The following ATL2 variants were observed in gnomAD, a reference collection of about 807,000 sequenced individuals.
ATL2 encodes atlastin-2.
A neutral mutation model predicts 73.9 loss-of-function variants in ATL2; 31 were observed. The ratio of observed to expected loss-of-function variants is 0.42; its 90% CI spans 0.32 to 0.57. The LOEUF (loss-of-function observed/expected upper bound fraction) is 0.57, where lower values mean the gene tolerates loss of function less well. ATL2 is among the 20% of genes least tolerant of loss of function. ATL2 has a pLI of 0.14. For missense variants in ATL2, 738 were observed against 702.6 expected (o/e 1.05, Z -0.57); for synonymous variants, 291 against 237.5 (o/e 1.23, Z -2.07).
intron 2 of ATL2, among the ~76,000 whole-genome samples, chr2:38,332,702 C>T (rs1385956792): frequency 2.6e-5 from 4 of 152,162 alleles, no homozygotes; most frequent in Non-Finnish European, 5.9e-5. Flanking sequence ...TCACACAAAA[C>T]CCACTTGTAT....
chr2:38,367,371 A>G (rs1398405905), intron 1 of ATL2, among the ~76,000 whole-genome samples: 1 of 151,584 alleles, frequency 6.6e-6, no homozygotes, highest in Non-Finnish European at 1.5e-5. Flanking sequence ...TGGGAGGCCA[A>G]GGCGGGCAGA....
At chr2:38,373,401 A>G (rs955022243) in intron 1 of ATL2, among the ~76,000 whole-genome samples, 3 of 152,222 alleles carry the variant, frequency 2.0e-5, no homozygotes, top group African/African-American at 7.2e-5. Context: ...TATGAACAGG[A>G]GTTGTATGAA....
intron 1 of ATL2, among the ~76,000 whole-genome samples, chr2:38,347,208 G>A (rs569138754): frequency 3.3e-5 from 5 of 152,272 alleles, no homozygotes; most frequent in South Asian, 2.1e-4. Context: ...AGTCGTATGC[G>A]ATCTGGGCCC....
rs780504335 is a variant in ATL2 at position 38,310,377 on chromosome 2, C to A, written c.875G>T (p.Gly292Val). Residue 292 changes from glycine to valine, a missense_variant, in exon 8 of 13, where the codon GGT (glycine) becomes GTT (valine). Gly to Val is a moderately radical substitution (Grantham distance 109). Coordinates refer to ENST00000378954, the MANE Select transcript of ATL2 (RefSeq NM_001135673.4). Reference sequence around the variant, plus strand: ...ACCAGGATGTGGCAAAAGGAAGCAACCAAGATTTGAGAAACAATTGTGTAT... The same window carrying A: ...ACCAGGATGTGGCAAAAGGAAGCAAACAAGATTTGAGAAACAATTGTGTAT... ...KHIHNCFSNLGCFLLPHPGLK... is the reference protein window; with the variant it reads ...KHIHNCFSNLVCFLLPHPGLK... 6 of 1,609,312 alleles carry A rather than the reference C, an allele frequency of 3.7e-6. No individual in the cohort carries two copies. The African/African-American group carries it at 6.7e-5, about 18-fold the overall frequency.
At chr2:38,372,382 A>G (rs1671740964) in intron 1 of ATL2, among the ~76,000 whole-genome samples, 1 of 152,184 alleles carries the variant, frequency 6.6e-6, no homozygotes, top group Admixed American at 6.5e-5. Flanking sequence ...ATTATAGTGT[A>G]GAGATTCAAG....
chr2:38,352,772 G>A (rs549612588), intron 1 of ATL2, among the ~76,000 whole-genome samples: 11 of 152,238 alleles, frequency 7.2e-5, no homozygotes, highest in African/African-American at 2.6e-4. Flanking sequence ...TAGAATTAAG[G>A]GTCAAGTTCT....
intron 2 of ATL2, among the ~76,000 whole-genome samples, chr2:38,332,068 C>A (rs1669028203): frequency 6.6e-6 from 1 of 152,010 alleles, no homozygotes; most frequent in African/African-American, 2.4e-5. Flanking sequence ...TCACAAAAGA[C>A]CACATTTTTT....
At chr2:38,300,190 G>C (rs537048917) in intron 10 of ATL2, 82 bp downstream of exon 10, 1 of 1,249,772 alleles carries the variant, frequency 8.0e-7, no homozygotes, top group East Asian at 2.4e-5. Context: ...CCCATTTTCA[G>C]CATTTCTCTC....
intron 1 of ATL2, among the ~76,000 whole-genome samples, chr2:38,365,840 G>C (rs541377134): frequency 2.6e-5 from 4 of 151,888 alleles, no homozygotes; most frequent in Admixed American, 1.3e-4. Flanking sequence ...CCAGTTACTC[G>C]GGAGGCTGAG....
At chr2:38,299,538 T>C (rs2148401882) in intron 10 of ATL2, among the ~76,000 whole-genome samples, 1 of 152,204 alleles carries the variant, frequency 6.6e-6, no homozygotes, top group East Asian at 1.9e-4. Flanking sequence ...TTTGTTTTGC[T>C]TAGGTTGATG....
intron 7 of ATL2, among the ~76,000 whole-genome samples, chr2:38,311,862 T>C (rs1475762987): frequency 2.6e-5 from 4 of 152,252 alleles, no homozygotes; most frequent in Non-Finnish European, 5.9e-5. Flanking sequence ...ATTCTGAGTT[T>C]AGTTAGTATG....
intron 9 of ATL2, 60 bp downstream of exon 9, chr2:38,309,319 G>T: frequency 3.4e-6 from 5 of 1,484,710 alleles, no homozygotes; most frequent in Non-Finnish European, 3.6e-6. Context: ...TATACATACA[G>T]ATGAGTTTTA....
chr2:38,350,073 G>T (rs1670252985), intron 1 of ATL2, among the ~76,000 whole-genome samples: 1 of 152,166 alleles, frequency 6.6e-6, no homozygotes, highest in South Asian at 2.1e-4. Context: ...TACTGTACTA[G>T]CATTTAGTGA....
rs185230123 is a variant in ATL2, at chr2:38,368,430, T to C, written c.118+8713A>G. On this transcript the variant is annotated intron_variant, in intron 1 of 12. Transcript: ENST00000378954. ...ACCACGCCCGGCTAATTTTGTATTTTTAGTAGAGGCGGGGTTTCTCCATGT... is the reference window on the plus strand; with the variant it reads ...ACCACGCCCGGCTAATTTTGTATTTCTAGTAGAGGCGGGGTTTCTCCATGT... Among the ~76,000 whole-genome samples the C allele has an allele frequency of 7.9e-5, 12 of 152,174 alleles. No homozygotes were observed. In the East Asian group the frequency reaches 1.9e-3, roughly 25 times the overall value.
chr2:38,368,246 A>AC (rs1479943840), intron 1 of ATL2, among the ~76,000 whole-genome samples: 14 of 125,764 alleles, frequency 1.1e-4, no homozygotes, highest in Non-Finnish European at 1.5e-4. Context: ...TAAAATAAGG[A>AC]CTTTTTTTTT....
intron 4 of ATL2, 53 bp from the exon 5 acceptor site, chr2:38,315,387 C>A: frequency 6.8e-7 from 1 of 1,473,716 alleles, no homozygotes; most frequent in South Asian, 1.4e-5. Context: ...TCTGAATACC[C>A]AGCTTCTGTA....
chr2:38,309,687 C>T (rs1667641494), intron 8 of ATL2, among the ~76,000 whole-genome samples, 181 bp from the exon 9 acceptor site: 1 of 151,920 alleles, frequency 6.6e-6, no homozygotes, highest in African/African-American at 2.4e-5. Context: ...ATATAATCCC[C>T]CTTACTCTAC....
In ATL2 at chr2:38,307,488, C is replaced by T. The variant is rs139793209; in HGVS notation, c.1071+1891G>A. On this transcript the variant is annotated intron_variant, in intron 9 of 12. Transcript: ENST00000378954. ...CAGTCCAGCCTGGGTGACAGAGCAA[C>T]GCTCCATTTCAAAAAGAAAAAAAGA... 4.8e-4 allele frequency among the ~76,000 whole-genome samples: 72 copies of T among 151,186 alleles called. 1 individual carries two copies. The highest frequency in any genetic ancestry group is 1.6e-3 in the African/African-American group (64 of 41,150).
rs143895031 is a variant in ATL2, at chr2:38,304,037, G to A, written c.1072-3709C>T. On this transcript the variant is annotated intron_variant, in intron 9 of 12. Transcript: ENST00000378954. The stretch of plus-strand genomic sequence containing the variant: ...TCAGCACCTTGGCAGGCTGAGATGG[G>A]AGGATCACTTGAGGCCAGGAGTTGG... 2.0e-4 allele frequency among the ~76,000 whole-genome samples: 31 copies of A among 152,322 alleles called. No homozygotes were observed. The East Asian group carries it at 5.4e-3, about 27-fold the overall frequency.
Sources: allele counts gnomAD v4.1 joint callset (sites outside exome capture counted in the v4.1 genomes callset), GRCh38; gene constraint gnomAD v4.1.1; transcripts MANE v1.5; gene names NCBI Gene and HGNC (gene_info 2026-07-23, HGNC 2026-07-21).